RBFOX1: variants seen among roughly 807,000 people sequenced by gnomAD.
The protein encoded by RBFOX1 is RNA binding protein fox-1 homolog 1.
A neutral mutation model predicts 57.7 loss-of-function variants in RBFOX1; 8 were observed. The observed-to-expected ratio is 0.14, with a 90% CI of 0.08 to 0.25. The LOEUF (loss-of-function observed/expected upper bound fraction) is 0.25, where lower values mean the gene tolerates loss of function less well. Ranked by LOEUF, RBFOX1 falls within the 10% of genes least tolerant of loss-of-function variation. RBFOX1 has a pLI of 1.00. For missense variants in RBFOX1, 611 were observed against 548.5 expected (o/e 1.11, Z -1.14); for synonymous variants, 326 against 222.4 (o/e 1.47, Z -4.15).
chr16:6,943,595 C>A (rs2078942081), intron 3 of RBFOX1, among the ~76,000 whole-genome samples: 1 of 151,758 alleles, frequency 6.6e-6, no homozygotes, highest in Non-Finnish European at 1.5e-5. Context: ...GTAGTCCCAG[C>A]TACTTGGGAG....
chr16:6,927,379 C>T (rs2075779589), intron 3 of RBFOX1, among the ~76,000 whole-genome samples: 1 of 131,004 alleles, frequency 7.6e-6, no homozygotes, highest in Non-Finnish European at 1.5e-5. Context: ...CACCGCTCCA[C>T]TCCAGCCTGG....
rs147113922 is a variant in RBFOX1, at chr16:6,813,164, C to G, written c.-16+158514C>G. Among the ~76,000 whole-genome samples the G allele has an allele frequency of 2.2e-3, 339 of 151,708 alleles. 3 individuals carry two copies. The highest frequency in any genetic ancestry group is 7.7e-3 in the African/African-American group (319 of 41,358). ...CACCTTTGTATGGTTAAATATCAGG[C>G]CACAATGACTTCCTATAACAAAATT... On this transcript the variant is annotated intron_variant, in intron 3 of 15. Transcript: ENST00000550418.
intron 2 of RBFOX1, among the ~76,000 whole-genome samples, chr16:6,451,673 C>T (rs897024042): frequency 6.6e-6 from 1 of 152,194 alleles, no homozygotes; most frequent in African/African-American, 2.4e-5. Context: ...AGAAGCCTTC[C>T]CTTACCACCC....
intron 11 of RBFOX1, among the ~76,000 whole-genome samples, chr16:7,652,741 TTATCGCG>T (rs1390645512): frequency 1.3e-5 from 2 of 152,210 alleles, no homozygotes; most frequent in African/African-American, 2.4e-5. Context: ...GGTCCCAGAC[TTATCGCG>T]TATTTGTAAT....
chr16:6,576,152 C>T (rs141180907), intron 2 of RBFOX1, among the ~76,000 whole-genome samples: 11 of 152,122 alleles, frequency 7.2e-5, no homozygotes, highest in Admixed American at 1.3e-4. Flanking sequence ...ATTTGGCAGT[C>T]GTGAGTATTC....
At chr16:5,915,395 A>C (rs1414456560) in intron 4 of RBFOX1, among the ~76,000 whole-genome samples, 1 of 152,184 alleles carries the variant, frequency 6.6e-6, no homozygotes, top group Non-Finnish European at 1.5e-5. Flanking sequence ...ATGCCACTCA[A>C]CACTTGTACC....
chr16:5,461,938 A>C (rs2068800519), intron 1 of RBFOX1, among the ~76,000 whole-genome samples: 1 of 152,124 alleles, frequency 6.6e-6, no homozygotes. Flanking sequence ...CTGAACAAAA[A>C]ATATATAGCT....
intron 4 of RBFOX1, among the ~76,000 whole-genome samples, chr16:7,361,396 A>G (rs561484516): frequency 6.6e-6 from 1 of 152,314 alleles, no homozygotes; most frequent in African/African-American, 2.4e-5. Context: ...ACCATTTTGC[A>G]TCAAAGAACG....
In RBFOX1 at chr16:6,150,690, T is replaced by A. The variant is rs546751414; in HGVS notation, c.-127+130698T>A. Reference sequence around the variant, plus strand: ...TGCTGGTCCTAATGATCTTTTCCCTTCCTCTTTCCACGGCTGGAATCTAAA... The same window carrying A: ...TGCTGGTCCTAATGATCTTTTCCCTACCTCTTTCCACGGCTGGAATCTAAA... On this transcript the variant is annotated intron_variant, in intron 1 of 15. Transcript: ENST00000550418. Among the ~76,000 whole-genome samples, 10 of 152,288 alleles carry A rather than the reference T, an allele frequency of 6.6e-5. No individual in the cohort carries two copies. The South Asian group carries it at 1.9e-3, about 28-fold the overall frequency.
chr16:5,602,630 G>A (rs143120998), downstream of RBFOX1, among the ~76,000 whole-genome samples: 434 of 152,306 alleles, frequency 2.8e-3, 3 homozygotes, highest in African/African-American at 0.01. Flanking sequence ...TGTCAGAAAG[G>A]CAGATGGAAA....
At chr16:6,987,342 G>T (rs758603596) in intron 3 of RBFOX1, among the ~76,000 whole-genome samples, 1 of 152,062 alleles carries the variant, frequency 6.6e-6, no homozygotes, top group Non-Finnish European at 1.5e-5. Context: ...TGGAGAACAA[G>T]AGAGAATGAG....
intron 14 of RBFOX1, among the ~76,000 whole-genome samples, chr16:7,699,127 G>C (rs530248817): frequency 2.0e-4 from 30 of 152,280 alleles, no homozygotes; most frequent in African/African-American, 7.2e-4. Context: ...ATTCTAACAA[G>C]TTGCCCCAGA....
chr16:7,041,602 C>G (rs993223963), intron 3 of RBFOX1, among the ~76,000 whole-genome samples: 4 of 152,108 alleles, frequency 2.6e-5, no homozygotes, highest in African/African-American at 9.7e-5. Flanking sequence ...GTGATAACTG[C>G]CAGCTGCCCC....
intron 3 of RBFOX1, among the ~76,000 whole-genome samples, chr16:6,745,806 G>A (rs532381756): frequency 6.6e-6 from 1 of 152,124 alleles, no homozygotes; most frequent in Admixed American, 6.5e-5. Context: ...AGAAAAGGAG[G>A]TAAAAGGCAT....
intron 1 of RBFOX1, among the ~76,000 whole-genome samples, chr16:6,213,296 T>C (rs79682337): frequency 0.11 from 16,189 of 152,214 alleles, 1,081 homozygotes; most frequent in South Asian, 0.26. Flanking sequence ...TCATGCTTCA[T>C]TGAGGTATCA....
At chr16:5,620,754 C>G (rs866990069) in intron 3 of RBFOX1, among the ~76,000 whole-genome samples, 1 of 152,188 alleles carries the variant, frequency 6.6e-6, no homozygotes, top group African/African-American at 2.4e-5. Context: ...TCATGGCTTG[C>G]TGCAGCCTTG....
At chr16:6,018,425 G>A (rs140950635), upstream of RBFOX1, among the ~76,000 whole-genome samples, 1 of 152,334 alleles carries the variant, frequency 6.6e-6, no homozygotes, top group East Asian at 1.9e-4. Flanking sequence ...TTAAGTGCTA[G>A]TGTGTATTAA....
intron 3 of RBFOX1, among the ~76,000 whole-genome samples, chr16:6,893,548 C>G (rs750075232): frequency 6.6e-6 from 1 of 152,088 alleles, no homozygotes; most frequent in African/African-American, 2.4e-5. Context: ...CTGAATCAAA[C>G]CAAGTCCATG....
chr16:7,077,722 G>C (rs2058526681), intron 4 of RBFOX1, among the ~76,000 whole-genome samples: 2 of 152,146 alleles, frequency 1.3e-5, no homozygotes, highest in South Asian at 4.1e-4. Context: ...GGAATGTTCT[G>C]GGGTTGTGCA....
Sources: allele counts gnomAD v4.1 joint callset (sites outside exome capture counted in the v4.1 genomes callset), GRCh38; gene constraint gnomAD v4.1.1; transcripts MANE v1.5; gene names NCBI Gene and HGNC (gene_info 2026-07-23, HGNC 2026-07-21).